The following IL1RAP variants were observed in gnomAD, a reference collection of about 807,000 sequenced individuals.
IL1RAP encodes interleukin 1 receptor accessory protein.
A neutral mutation model predicts 60.7 loss-of-function variants in IL1RAP; 35 were observed. The ratio of observed to expected loss-of-function variants is 0.58; its 90% CI spans 0.44 to 0.76. The LOEUF is 0.76. Ranked by LOEUF, IL1RAP falls within the 30% of genes least tolerant of loss-of-function variation. IL1RAP has a pLI of 0.00. For synonymous variants in IL1RAP, 268 were observed against 250.9 expected (o/e 1.07, Z -0.64); for missense variants, 572 against 693.9 (o/e 0.82, Z 1.97).
At chr3:190,552,743 C>T (rs1292549857) in intron 1 of IL1RAP, among the ~76,000 whole-genome samples, 2 of 152,050 alleles carry the variant, frequency 1.3e-5, no homozygotes, top group African/African-American at 2.4e-5. Flanking sequence ...AGGTCTTTCC[C>T]CTCTCATGCA....
In IL1RAP at chr3:190,552,054, T is replaced by C. The variant is rs186721307; in HGVS notation, c.-88-4076T>C. On this transcript the variant is annotated intron_variant, in intron 1 of 11. Transcript: ENST00000447382. Reference sequence around the variant, plus strand: ...CTGTTTACCTCTCTTTTCTGGACACTCCAGGGGCCCTTTGAAGTATCCAAA... The same window carrying C: ...CTGTTTACCTCTCTTTTCTGGACACCCCAGGGGCCCTTTGAAGTATCCAAA... 4.0e-4 allele frequency among the ~76,000 whole-genome samples: 61 copies of C among 152,318 alleles called. 1 individual carries two copies. The highest frequency in any genetic ancestry group is 1.3e-3 in the African/African-American group (54 of 41,578).
At chr3:190,623,103 G>A (rs762438979) in intron 6 of IL1RAP, among the ~76,000 whole-genome samples, 9 of 152,126 alleles carry the variant, frequency 5.9e-5, no homozygotes, top group Non-Finnish European at 1.3e-4. Context: ...AAATCACAGG[G>A]GATTTAGGAG....
intron 3 of IL1RAP, among the ~76,000 whole-genome samples, chr3:190,579,935 A>G (rs1727845171): frequency 6.6e-6 from 1 of 152,234 alleles, no homozygotes; most frequent in African/African-American, 2.4e-5. Context: ...AGTGATGAAT[A>G]ATATTCATCA....
At chr3:190,618,563 G>T (rs1731484241) in intron 5 of IL1RAP, among the ~76,000 whole-genome samples, 1 of 152,104 alleles carries the variant, frequency 6.6e-6, no homozygotes, top group African/African-American at 2.4e-5. Context: ...CTACTTCACA[G>T]GAGTTTCAGA....
At chr3:190,646,744 GT>G (rs144520622) in intron 11 of IL1RAP, among the ~76,000 whole-genome samples, 10 of 151,454 alleles carry the variant, frequency 6.6e-5, no homozygotes, top group African/African-American at 1.5e-4. Flanking sequence ...TCATTTAACA[GT>G]TTTTTTTTAA....
chr3:190,573,127 TTCTG>T (rs1727136177), intron 3 of IL1RAP, among the ~76,000 whole-genome samples: 5 of 52,336 alleles, frequency 9.6e-5, no homozygotes, highest in Non-Finnish European at 1.9e-4. Flanking sequence ...CCTCCCAAAG[TTCTG>T]GGATTACAGG....
In IL1RAP at chr3:190,604,153, C is replaced by A. The variant is rs778749832; in HGVS notation, c.90C>A (p.Asp30Glu). 6.2e-7 allele frequency: 1 copy of A among 1,613,796 alleles called. No individual in the cohort carries two copies. Among genetic ancestry groups the A allele is most frequent in the Non-Finnish European group, 8.5e-7 (1 of 1,179,936 alleles). ...AACGCTGCGATGACTGGGGACTAGACACCATGAGGCAAATCCAAGTGTTTG... is the reference window on the plus strand; with the variant it reads ...AACGCTGCGATGACTGGGGACTAGAAACCATGAGGCAAATCCAAGTGTTTG... The part of the protein sequence containing the change: ...ASERCDDWGL[D>E]TMRQIQVFED... The change falls in exon 4 of 12, where the codon GAC becomes GAA. Residue 30 changes from aspartate to glutamate, a missense_variant. Coordinates refer to ENST00000447382, the MANE Select transcript of IL1RAP (RefSeq NM_002182.4).
intron 1 of IL1RAP, among the ~76,000 whole-genome samples, chr3:190,527,507 A>G (rs1309851401): frequency 1.3e-5 from 2 of 152,186 alleles, no homozygotes; most frequent in Non-Finnish European, 2.9e-5. Context: ...CCTCCCCTGC[A>G]GTGAAGACAC....
intron 1 of IL1RAP, among the ~76,000 whole-genome samples, chr3:190,551,375 C>T (rs1320973224): frequency 1.3e-5 from 2 of 152,074 alleles, no homozygotes; most frequent in Non-Finnish European, 2.9e-5. Context: ...ACTATATTGC[C>T]GTAAGTTAAA....
At chr3:190,638,686 G>C (rs1205979239) in intron 9 of IL1RAP, among the ~76,000 whole-genome samples, 1 of 151,994 alleles carries the variant, frequency 6.6e-6, no homozygotes, top group African/African-American at 2.4e-5. Context: ...CTTACCCATA[G>C]TCAGGAAGGT....
At chr3:190,597,303 T>A (rs1190268979) in intron 3 of IL1RAP, among the ~76,000 whole-genome samples, 1 of 152,246 alleles carries the variant, frequency 6.6e-6, no homozygotes, top group Non-Finnish European at 1.5e-5. Context: ...ACTTATGTTA[T>A]GAAAGGAAAA....
chr3:190,519,274 C>T (rs1273388001), intron 1 of IL1RAP, among the ~76,000 whole-genome samples: 2 of 152,098 alleles, frequency 1.3e-5, no homozygotes, highest in African/African-American at 4.8e-5. Flanking sequence ...AAAGAAAATA[C>T]TCTTATTGTT....
chr3:190,579,688 T>G (rs944210833), intron 3 of IL1RAP, among the ~76,000 whole-genome samples: 4 of 152,120 alleles, frequency 2.6e-5, no homozygotes, highest in Admixed American at 6.5e-5. Flanking sequence ...TTAGAACATT[T>G]CATCACCCCA....
chr3:190,627,124 G>T (rs1378065288), intron 7 of IL1RAP, among the ~76,000 whole-genome samples, 199 bp from the exon 8 acceptor site: 1 of 151,946 alleles, frequency 6.6e-6, no homozygotes, highest in Non-Finnish European at 1.5e-5. Flanking sequence ...TTACCTTATG[G>T]GAGTCGACTA....
Position 190,650,006 on chromosome 3 carries a change from T to A in IL1RAP, c.*1301T>A. The A allele has an allele frequency of 1.8e-6, 1 of 565,456 alleles. No individual in the cohort carries two copies. The highest frequency in any genetic ancestry group is 7.8e-5 in the South Asian group (1 of 12,878). 35.0% of individuals were successfully genotyped at this position (565,456 alleles called of 1,614,324 possible). On this transcript the variant is annotated 3_prime_UTR_variant, in exon 12 of 12. Transcript: ENST00000447382. ...CACAAACACAAATTATATATATACA[T>A]ATCCACACACATACATTACATATAT...
intron 1 of IL1RAP, among the ~76,000 whole-genome samples, chr3:190,527,596 G>A (rs776848574): frequency 2.6e-5 from 4 of 152,004 alleles, no homozygotes; most frequent in Non-Finnish European, 5.9e-5. Flanking sequence ...CTTTGACCTG[G>A]AAGAAGCTGG....
intron 5 of IL1RAP, among the ~76,000 whole-genome samples, chr3:190,618,691 A>T (rs1315296676): frequency 2.6e-5 from 4 of 152,176 alleles, no homozygotes; most frequent in Non-Finnish European, 5.9e-5. Context: ...TCTGACATAA[A>T]CTTATAAGAA....
In IL1RAP at chr3:190,623,422, A is replaced by G; in HGVS notation, c.775+7A>G. On this transcript the variant is annotated splice_region_variant and intron_variant, in intron 7 of 11. Transcript: ENST00000447382. Reference sequence around the variant, plus strand: ...GTCTATGAGAAAGAACCAGGTAATTACAGCTATGTCTCTGAATTTCACTTA... The same window carrying G: ...GTCTATGAGAAAGAACCAGGTAATTGCAGCTATGTCTCTGAATTTCACTTA... 1.3e-6 allele frequency: 2 copies of G among 1,589,708 alleles called. No homozygotes were observed. The highest frequency in any genetic ancestry group is 2.2e-5 in the South Asian group (2 of 90,528).
chr3:190,527,978 A>G (rs16865560), intron 1 of IL1RAP, among the ~76,000 whole-genome samples: 4,498 of 152,056 alleles, frequency 0.03, 218 homozygotes, highest in African/African-American at 0.1. Flanking sequence ...GAGAATGGGA[A>G]CTGCTGCAGG....
Sources: gnomAD v4.1 joint callset for allele counts (sites outside exome capture counted in the v4.1 genomes callset) on GRCh38, gnomAD v4.1.1 for gene constraint, MANE v1.5 for transcripts, NCBI Gene and HGNC (gene_info 2026-07-23, HGNC 2026-07-21) for gene names.